The following EDIL3 variants were observed in gnomAD, a reference collection of about 807,000 sequenced individuals.
The protein encoded by EDIL3 is EGF like and discoidin domains 3, also known as EGF-like repeat and discoidin I-like domain-containing protein 3.
Under a neutral mutation model 67.4 loss-of-function variants are expected in EDIL3, and 37 were observed. The observed-to-expected ratio is 0.55, with a 90% CI of 0.42 to 0.72. The LOEUF (loss-of-function observed/expected upper bound fraction) is 0.72. Among genes scored for constraint, EDIL3 ranks in the 30% least tolerant of loss-of-function variants. The pLI, the probability that EDIL3 is intolerant of heterozygous loss-of-function variation, is 0.00. For missense variants in EDIL3, 527 were observed against 586.3 expected (o/e 0.90, Z 1.04); for synonymous variants, 195 against 196.3 (o/e 0.99, Z 0.05).
At chr5:84,179,457 C>T (rs114977852) in intron 4 of EDIL3, among the ~76,000 whole-genome samples, 2,553 of 152,296 alleles carry the variant, frequency 0.017, 34 homozygotes, top group Middle Eastern at 0.027. Context: ...CTGGCCATGG[C>T]ATGTCTCCAG....
intron 6 of EDIL3, among the ~76,000 whole-genome samples, chr5:84,073,304 TCTCACCA>T (rs1413335311): frequency 1.3e-5 from 2 of 152,130 alleles, no homozygotes; most frequent in Non-Finnish European, 2.9e-5. Flanking sequence ...GGATGCCCTC[TCTCACCA>T]CTCCTATTCA....
chr5:84,223,487 C>T (rs1296350232), intron 3 of EDIL3, among the ~76,000 whole-genome samples: 2 of 151,126 alleles, frequency 1.3e-5, no homozygotes, highest in African/African-American at 4.9e-5. Context: ...GTGGATGAAC[C>T]CGGAGGAATT....
rs150137105 is a variant in EDIL3 at position 83,986,522 on chromosome 5, T to C, written c.1138-23162A>G. ...TGTTAATTGGTAGCAACTATCTCTGTTTACTCCGTTTTTATACTGTATTTA... is the reference window on the plus strand; with the variant it reads ...TGTTAATTGGTAGCAACTATCTCTGCTTACTCCGTTTTTATACTGTATTTA... On this transcript the variant is annotated intron_variant, in intron 9 of 10. Transcript: ENST00000296591. Among the ~76,000 whole-genome samples, 634 of 152,270 alleles carry C rather than the reference T, an allele frequency of 4.2e-3. 2 individuals are homozygous for C. Among genetic ancestry groups the C allele is most frequent in the Middle Eastern group, 0.014 (4 of 294 alleles).
At chr5:84,250,522 G>T (rs144018936) in intron 2 of EDIL3, among the ~76,000 whole-genome samples, 1 of 152,192 alleles carries the variant, frequency 6.6e-6, no homozygotes, top group African/African-American at 2.4e-5. Flanking sequence ...GACATTATAT[G>T]CTTTGTGAGG....
intron 2 of EDIL3, among the ~76,000 whole-genome samples, chr5:84,238,252 T>A (rs1483214511): frequency 6.6e-6 from 1 of 152,134 alleles, no homozygotes; most frequent in Non-Finnish European, 1.5e-5. Flanking sequence ...TGAGGTCTTT[T>A]AGTAAAATAT....
At chr5:84,164,842 T>A (rs1177949582) in intron 4 of EDIL3, among the ~76,000 whole-genome samples, 3 of 152,046 alleles carry the variant, frequency 2.0e-5, no homozygotes, top group Admixed American at 6.6e-5. Context: ...GAAGTAAGTG[T>A]CTTACAAGGT....
intron 1 of EDIL3, among the ~76,000 whole-genome samples, chr5:84,329,464 G>C (rs2112164091): frequency 6.6e-6 from 1 of 152,132 alleles, no homozygotes; most frequent in African/African-American, 2.4e-5. Context: ...CACAGTGCTT[G>C]TTATGAAAGA....
intron 4 of EDIL3, among the ~76,000 whole-genome samples, chr5:84,148,437 T>A (rs924394749): frequency 6.6e-6 from 1 of 152,190 alleles, no homozygotes; most frequent in Admixed American, 6.6e-5. Flanking sequence ...ATACTCTTAA[T>A]ATACTTCTTT....
chr5:84,205,778 T>C (rs1417418779), intron 3 of EDIL3, among the ~76,000 whole-genome samples: 1 of 152,198 alleles, frequency 6.6e-6, no homozygotes, highest in Non-Finnish European at 1.5e-5. Context: ...TCATTTTTTA[T>C]TGCGTCAATT....
intron 5 of EDIL3, among the ~76,000 whole-genome samples, chr5:84,133,875 G>T (rs1748042082): frequency 6.6e-6 from 1 of 151,892 alleles, no homozygotes; most frequent in Non-Finnish European, 1.5e-5. Flanking sequence ...ACATCTAGAA[G>T]TCTAAACTGA....
In EDIL3 at chr5:84,054,959, C is replaced by A. The variant is rs577085335; in HGVS notation, c.1137+5341G>T. On this transcript the variant is annotated intron_variant, in intron 9 of 10. Transcript: ENST00000296591. The stretch of plus-strand genomic sequence containing the variant: ...TTCTTCACAGAATTGGAAAAAACTA[C>A]TTTAAAGTTCATATGGAACCAAAAA... Among the ~76,000 whole-genome samples, 5 of 146,186 alleles carry A rather than the reference C, an allele frequency of 3.4e-5. 2 individuals are homozygous for A. The East Asian group carries it at 1.0e-3, about 29-fold the overall frequency.
At chr5:84,209,346 G>A (rs762917791) in intron 3 of EDIL3, among the ~76,000 whole-genome samples, 38 of 151,920 alleles carry the variant, frequency 2.5e-4, no homozygotes, top group Non-Finnish European at 4.9e-4. Flanking sequence ...TGTACATGGT[G>A]CACATGTACC....
At position 84,286,705 on chromosome 5, in the gene EDIL3, G is replaced by T. The variant is rs1745813390; in HGVS notation, c.68-32493C>A. Among the ~76,000 whole-genome samples, 3 of 152,118 alleles carry T rather than the reference G, an allele frequency of 2.0e-5. No homozygotes were observed. In the South Asian group the frequency reaches 6.2e-4, roughly 31 times the overall value. ...AATAGAATAAATAGAATAATGCAGGGTTTATTTGTTCTTTCTGAAGGTTTT... is the reference window on the plus strand; with the variant it reads ...AATAGAATAAATAGAATAATGCAGGTTTTATTTGTTCTTTCTGAAGGTTTT... On this transcript the variant is annotated intron_variant, in intron 1 of 10. Transcript: ENST00000296591.
rs149498235 is a variant in EDIL3, at chr5:83,979,422, G to C, written c.1138-16062C>G. 5.8e-3 allele frequency among the ~76,000 whole-genome samples: 889 copies of C among 152,194 alleles called. 13 individuals are homozygous for C. The highest frequency in any genetic ancestry group is 0.019 in the African/African-American group (810 of 41,560). ...GAATTGCACTCCTAGACATATTTCTGAGATAAATTATCACAAGGAGACATA... is the reference window on the plus strand; with the variant it reads ...GAATTGCACTCCTAGACATATTTCTCAGATAAATTATCACAAGGAGACATA... On this transcript the variant is annotated intron_variant, in intron 9 of 10. Coordinates refer to ENST00000296591, the MANE Select transcript of EDIL3 (RefSeq NM_005711.5).
At chr5:84,202,170 C>A in intron 3 of EDIL3, among the ~76,000 whole-genome samples, 1 of 152,088 alleles carries the variant, frequency 6.6e-6, no homozygotes, top group East Asian at 1.9e-4. Context: ...TTCTTACATA[C>A]ATTTTAAGAG....
intron 9 of EDIL3, among the ~76,000 whole-genome samples, chr5:83,985,981 T>G (rs887881623): frequency 1.3e-5 from 2 of 152,032 alleles, no homozygotes; most frequent in African/African-American, 2.4e-5. Flanking sequence ...TAAAATTTCC[T>G]ATTACGAAGT....
chr5:84,338,582 C>T (rs1188700618), intron 1 of EDIL3, among the ~76,000 whole-genome samples: 1 of 152,098 alleles, frequency 6.6e-6, no homozygotes, highest in East Asian at 1.9e-4. Context: ...GGGACTTTAA[C>T]TAGGAACTAA....
At chr5:83,988,274 C>T (rs1745090730) in intron 9 of EDIL3, among the ~76,000 whole-genome samples, 1 of 152,130 alleles carries the variant, frequency 6.6e-6, no homozygotes, top group Non-Finnish European at 1.5e-5. Context: ...AATCTACTGA[C>T]ACATAAAAGA....
chr5:84,333,092 C>A (rs1006441197), intron 1 of EDIL3, among the ~76,000 whole-genome samples: 1 of 152,012 alleles, frequency 6.6e-6, no homozygotes, highest in East Asian at 1.9e-4. Flanking sequence ...CTCTTAAATG[C>A]CCACCCTTTC....
Sources: allele counts gnomAD v4.1 joint callset (sites outside exome capture counted in the v4.1 genomes callset), GRCh38; gene constraint gnomAD v4.1.1; transcripts MANE v1.5; gene names NCBI Gene and HGNC (gene_info 2026-07-23, HGNC 2026-07-21).